The following MYO19 variants were observed in gnomAD, a reference collection of about 807,000 sequenced individuals.
MYO19 encodes the protein myosin XIX, also known as unconventional myosin-XIX.
Under a neutral mutation model 129.2 loss-of-function variants are expected in MYO19, and 132 were observed. The ratio of observed to expected loss-of-function variants is 1.02; its 90% CI spans 0.89 to 1.18. The LOEUF (loss-of-function observed/expected upper bound fraction) is 1.18, where lower values mean the gene tolerates loss of function less well. MYO19 is among the 50% of genes most tolerant of loss of function. MYO19 has a pLI of 0.00. For synonymous variants in MYO19, 531 were observed against 477.2 expected, an observed-to-expected ratio of 1.11 and a Z score of -1.47; for missense variants, 1,210 against 1,216.7, an observed-to-expected ratio of 0.99 and a Z score of 0.08.
intron 2 of MYO19, among the ~76,000 whole-genome samples, chr17:36,541,097 G>A (rs1295444503): frequency 2.0e-5 from 3 of 151,974 alleles, no homozygotes; most frequent in Admixed American, 1.3e-4. Flanking sequence ...ACAGGTGCCC[G>A]CCACCACACC....
intron 10 of MYO19, 60 bp from the exon 11 acceptor site, chr17:36,513,565 G>C: frequency 1.9e-6 from 3 of 1,613,700 alleles, no homozygotes; most frequent in Non-Finnish European, 2.5e-6. Flanking sequence ...AGGGAGGCAG[G>C]CTCTGTACAG....
chr17:36,541,887 G>T (rs951809969), intron 2 of MYO19, among the ~76,000 whole-genome samples: 1 of 152,184 alleles, frequency 6.6e-6, no homozygotes, highest in Non-Finnish European at 1.5e-5. Flanking sequence ...AAAAATAAGT[G>T]CCTACTCTAA....
intron 18 of MYO19, 51 bp downstream of exon 18, chr17:36,506,405 T>C (rs1198220070): frequency 3.1e-6 from 5 of 1,604,226 alleles, no homozygotes; most frequent in Non-Finnish European, 4.2e-6. Context: ...TAAATATTTG[T>C]GAGACCGTGG....
At chr17:36,539,910 A>G (rs1231091119), upstream of MYO19, among the ~76,000 whole-genome samples, 2 of 149,030 alleles carry the variant, frequency 1.3e-5, no homozygotes, top group Non-Finnish European at 3.0e-5. Flanking sequence ...TTTTTGAGCT[A>G]GAGCTGATTA....
chr17:36,532,626 A>G lies in MYO19; in HGVS notation c.-88T>C. 1 of 1,493,962 alleles carries G rather than the reference A, an allele frequency of 6.7e-7. No individual in the cohort carries two copies. Among genetic ancestry groups the G allele is most frequent in the Non-Finnish European group, 9.1e-7 (1 of 1,095,202 alleles). The allele number at this position is 1,493,962 out of a possible 1,614,324, so 92.5% of individuals were successfully genotyped here. A position where few individuals can be genotyped will look rare whatever the true frequency, so the allele number is the denominator to read the frequency against. ...TAGTCATGGGACCATGGGCTGGGGT[A>G]TGGTTCCAACAAAGGGCTCAGTTCT... On this transcript the variant is annotated 5_prime_UTR_variant, in exon 3 of 26. Coordinates refer to ENST00000614623, the MANE Select transcript of MYO19 (RefSeq NM_001163735.2).
chr17:36,497,543 A>G lies in MYO19; in HGVS notation c.2757+723T>C, dbSNP rs560611109. ...GTTTCTTTTTTGCTATGTCTCGTGA[A>G]TTTTTCCTCTTTTCTGTAATTGACC... On this transcript the variant is annotated intron_variant, in intron 25 of 25. Coordinates refer to ENST00000614623, the MANE Select transcript of MYO19 (RefSeq NM_001163735.2). 1.3e-4 allele frequency: 127 copies of G among 983,318 alleles called. 1 individual carries two copies. The South Asian group carries it at 5.3e-3, about 41-fold the overall frequency. The allele number at this position is 983,318 out of a possible 1,614,324, so 60.9% of individuals were successfully genotyped here.
At chr17:36,535,324 C>T (rs1440948726), upstream of MYO19, 3 of 152,430 alleles carry the variant, frequency 2.0e-5, no homozygotes. Flanking sequence ...CCAGGCGCTC[C>T]TCTCAGGGCT....
intron 16 of MYO19, 78 bp from the exon 17 acceptor site, chr17:36,507,217 C>A (rs1435606769): frequency 1.3e-6 from 2 of 1,547,252 alleles, no homozygotes; most frequent in Admixed American, 1.8e-5. Context: ...ACCCTGTGGA[C>A]CCCATGACAG....
Position 36,508,695 on chromosome 17 carries a change from T to C in MYO19, c.1231+367A>G, listed in dbSNP as rs531115603. 5 of 214,086 alleles carry C rather than the reference T, an allele frequency of 2.3e-5. No homozygotes were observed. In the South Asian group the frequency reaches 5.4e-4, roughly 23 times the overall value. The allele number at this position is 214,086 out of a possible 1,614,324, so 13.3% of individuals were successfully genotyped here. ...ATCCTCCCACTTTGGCCTCCCAAAA[T>C]GTTGGGATTACAGGTGTGAGCCACG... On this transcript the variant is annotated intron_variant, in intron 14 of 25. Transcript: ENST00000614623.
At chr17:36,511,559 C>T (rs776051608) in intron 11 of MYO19, 104 bp from the exon 12 acceptor site, 50 of 1,026,650 alleles carry the variant, frequency 4.9e-5, no homozygotes, top group Non-Finnish European at 7.0e-5. Context: ...AGAAGGGCAG[C>T]TCCCAATCAT....
At chr17:36,506,322 G>A (rs2071881138) in intron 18 of MYO19, 134 bp downstream of exon 18, 4 of 1,060,400 alleles carry the variant, frequency 3.8e-6, no homozygotes, top group East Asian at 2.4e-5. Flanking sequence ...ATAAACTCCA[G>A]GGGACTGGGA....
upstream of MYO19, chr17:36,537,687 T>C (rs750371514): frequency 6.2e-7 from 1 of 1,614,128 alleles, no homozygotes; most frequent in East Asian, 2.2e-5. Flanking sequence ...AGGGTCCAAA[T>C]TGCATTACTT....
intron 2 of MYO19, among the ~76,000 whole-genome samples, chr17:36,540,325 A>G (rs968138300): frequency 1.3e-5 from 2 of 150,652 alleles, no homozygotes; most frequent in Admixed American, 1.3e-4. Context: ...TGCTGGGATT[A>G]CAGGCGTCGT....
chr17:36,515,626 G>A (rs539032599), intron 7 of MYO19, among the ~76,000 whole-genome samples: 2 of 152,198 alleles, frequency 1.3e-5, no homozygotes, highest in East Asian at 3.8e-4. Flanking sequence ...TCTCCAGCAC[G>A]ACTGTTATGT....
At position 36,508,880 on chromosome 17, in the gene MYO19, G is replaced by C; in HGVS notation, c.1231+182C>G. The stretch of plus-strand genomic sequence containing the variant: ...ATGGACTGCTCAGATGTGGGTGCAG[G>C]AGAGCAGAGATCTCACCCTATGCAG... On this transcript the variant is annotated intron_variant, in intron 14 of 25. Transcript: ENST00000614623. The C allele has an allele frequency of 3.2e-6, 2 of 622,810 alleles. 1 individual carries two copies. Among genetic ancestry groups the C allele is most frequent in the South Asian group, 3.8e-5 (2 of 53,290 alleles). The allele number at this position is 622,810 out of a possible 1,614,324, so 38.6% of individuals were successfully genotyped here.
intron 19 of MYO19, 51 bp downstream of exon 19, chr17:36,505,246 C>T: frequency 1.3e-6 from 2 of 1,512,276 alleles, no homozygotes; most frequent in African/African-American, 1.4e-5. Flanking sequence ...TCTCCAGGGC[C>T]TTGGCCAGAT....
At chr17:36,498,068 G>A in intron 25 of MYO19, 198 bp downstream of exon 25, 1 of 573,954 alleles carries the variant, frequency 1.7e-6, no homozygotes, top group South Asian at 2.8e-5. Flanking sequence ...AAGATAAAGG[G>A]CTCTGGAAGA....
intron 11 of MYO19, 78 bp from the exon 12 acceptor site, chr17:36,511,533 G>C (rs1268065523): frequency 7.9e-7 from 1 of 1,273,376 alleles, no homozygotes; most frequent in African/African-American, 1.5e-5. Context: ...GTTCTGCTGA[G>C]TACAATCACG....
At chr17:36,543,070 T>C (rs957386655) in intron 1 of MYO19, 4 of 152,196 alleles carry the variant, frequency 2.6e-5, no homozygotes, top group African/African-American at 9.7e-5. Context: ...AATGTCCAAA[T>C]TTTGGCTATG....
Sources: gnomAD v4.1 joint callset for allele counts (sites outside exome capture counted in the v4.1 genomes callset) on GRCh38, gnomAD v4.1.1 for gene constraint, MANE v1.5 for transcripts, NCBI Gene and HGNC (gene_info 2026-07-23, HGNC 2026-07-21) for gene names.